The following SUN2 variants were observed in gnomAD, a reference collection of about 807,000 sequenced individuals.
The protein encoded by SUN2 is SUN domain-containing protein 2.
Under a neutral mutation model 100.0 loss-of-function variants are expected in SUN2, and 60 were observed. The ratio of observed to expected loss-of-function variants is 0.60; its 90% CI spans 0.49 to 0.74. The LOEUF is 0.74. Ranked by LOEUF, SUN2 falls within the 30% of genes least tolerant of loss-of-function variation. SUN2 has a pLI of 0.00. For missense variants in SUN2, 834 were observed against 954.6 expected, an observed-to-expected ratio of 0.87 and a Z score of 1.66; for synonymous variants, 367 against 403.3, an observed-to-expected ratio of 0.91 and a Z score of 1.08.
chr22:38,754,497 A>G (rs1191529007), intron 1 of SUN2: 1 of 608,532 alleles, frequency 1.6e-6, no homozygotes, highest in African/African-American at 1.9e-5. Context: ...CCCATCTGGC[A>G]TCCCCTCTAC....
At position 38,740,584 on chromosome 22, in the gene SUN2, G is replaced by T. The variant is rs1433802243; in HGVS notation, c.1191-152C>A. ...CCTGAGAAGGGGCAAGGCCTCTCCTGGGGGTTCTGGCTGCAGAACCCCTGC... is the reference window on the plus strand; with the variant it reads ...CCTGAGAAGGGGCAAGGCCTCTCCTTGGGGTTCTGGCTGCAGAACCCCTGC... On this transcript the variant is annotated intron_variant, in intron 11 of 17. Transcript: ENST00000689035. This position sits in a 1 kb window ranked among gnomAD's most constrained non-coding sequence, Gnocchi z 4.8. The T allele has an allele frequency of 3.7e-6, 3 of 808,206 alleles. No homozygotes were observed. Among genetic ancestry groups the T allele is most frequent in the Non-Finnish European group, 5.5e-6 (3 of 541,866 alleles). The allele number at this position is 808,206 out of a possible 1,614,324, so 50.1% of individuals were successfully genotyped here.
chr22:38,737,799 G>A lies in SUN2; in HGVS notation c.2040+374C>T, dbSNP rs559909097. The A allele has an allele frequency of 2.3e-6, 1 of 437,588 alleles. No homozygotes were observed. Among genetic ancestry groups the A allele is most frequent in the Middle Eastern group, 7.5e-4 (1 of 1,338 alleles). 27.1% of individuals were successfully genotyped at this position (437,588 alleles called of 1,614,324 possible). The stretch of plus-strand genomic sequence containing the variant: ...TCGGATGCCCACTGAAGTTTAAGCC[G>A]CATGCACTGCCTGAGGCTCCAGCTG... On this transcript the variant is annotated intron_variant, in intron 17 of 17. Transcript: ENST00000689035. The surrounding 1 kb of genome is among the most constrained non-coding windows in gnomAD (Gnocchi z 4.1).
At chr22:38,749,605 C>A (rs990987773) in intron 6 of SUN2, among the ~76,000 whole-genome samples, 161 bp downstream of exon 6, 2 of 152,170 alleles carry the variant, frequency 1.3e-5, no homozygotes, top group African/African-American at 4.8e-5. Flanking sequence ...CTCTGTCAGG[C>A]AGGGGTGGGC....
At chr22:38,750,821 C>G in intron 4 of SUN2, 77 bp downstream of exon 4, 6 of 1,586,478 alleles carry the variant, frequency 3.8e-6, no homozygotes, top group Non-Finnish European at 5.2e-6. Context: ...CTCCAGCTCC[C>G]CGGGGCTCCC....
chr22:38,744,595 T>C (rs2092888486), intron 8 of SUN2, among the ~76,000 whole-genome samples: 1 of 152,212 alleles, frequency 6.6e-6, no homozygotes, highest in African/African-American at 2.4e-5. Flanking sequence ...AATTTTTAAA[T>C]GAATAATAAA....
In SUN2 at chr22:38,742,497, G is replaced by A. The variant is rs1323189178; in HGVS notation, c.872C>T (p.Ala291Val). The A allele has an allele frequency of 6.2e-7, 1 of 1,613,550 alleles. No homozygotes were observed. The highest frequency in any genetic ancestry group is 2.2e-5 in the East Asian group (1 of 44,878). ...CTGCCAGTTGGAGGAAAATTCAGCA[G>A]CAAGAGCTTCCAGACGCCGCTCCAG... ...HSLERRLEAL[A>V]AEFSSNWQKE... is the part of the protein sequence containing the mutation. The change falls in exon 9 of 18, where the codon GCT becomes GTT. Residue 291 changes from alanine (A) to valine (V), a missense_variant. Physicochemically the swap from Ala to Val is moderately conservative, Grantham distance 64. This residue lies in a region of SUN2 where 559 missense variants were observed against 597.7 expected (regional missense o/e 0.94). Coordinates refer to ENST00000689035, the MANE Select transcript of SUN2 (RefSeq NM_015374.3).
In SUN2 at chr22:38,739,040, G is replaced by A. The variant is rs371332136; in HGVS notation, c.1664-52C>T. ...GGCTCCCGCACGGGAGGAGGGCCCC[G>A]CTCAGGCCATTGGCTGTCTCCTCGC... On this transcript the variant is annotated intron_variant, in intron 14 of 17. Transcript: ENST00000689035. This position sits in a 1 kb window ranked among gnomAD's most constrained non-coding sequence, Gnocchi z 6.7. The A allele has an allele frequency of 1.5e-5, 23 of 1,533,540 alleles. No homozygotes were observed. The highest frequency in any genetic ancestry group is 9.6e-5 in the African/African-American group (7 of 72,916). 95.0% of individuals were successfully genotyped at this position (1,533,540 alleles called of 1,614,324 possible).
At chr22:38,745,955 C>T (rs545261009) in intron 7 of SUN2, 144 bp from the exon 8 acceptor site, 2 of 1,268,968 alleles carry the variant, frequency 1.6e-6, no homozygotes, top group Non-Finnish European at 2.1e-6. Flanking sequence ...CAGAGGGATG[C>T]AGGTGCCCCC....
chr22:38,753,670 G>A (rs1212433065), intron 1 of SUN2, among the ~76,000 whole-genome samples: 2 of 152,156 alleles, frequency 1.3e-5, no homozygotes, highest in Non-Finnish European at 2.9e-5. Flanking sequence ...AAAATGGTAA[G>A]TGTCTGCTGG....
chr22:38,752,601 G>C lies in SUN2; in HGVS notation c.28C>G (p.Arg10Gly), dbSNP rs139611023. The C allele has an allele frequency of 6.2e-7, 1 of 1,613,948 alleles. No homozygotes were observed. The highest frequency in any genetic ancestry group is 1.3e-5 in the African/African-American group (1 of 75,070). The change falls in exon 2 of 18, where the codon CGC (arginine) becomes GGC (glycine). Residue 10 changes from arginine (R) to glycine (G), a missense_variant. This residue lies in a region of SUN2 where 559 missense variants were observed against 597.7 expected (regional missense o/e 0.94). Coordinates refer to ENST00000689035, the MANE Select transcript of SUN2 (RefSeq NM_015374.3). MSRRSQRLT[R>G]YSQGDDDGSS... Reference sequence around the variant, plus strand: ...CCGTCATCGTCACCCTGGGAGTAGCGCGTGAGGCGCTGGCTTCTTCGGGAC... The same window carrying C: ...CCGTCATCGTCACCCTGGGAGTAGCCCGTGAGGCGCTGGCTTCTTCGGGAC...
chr22:38,748,755 A>G lies in SUN2; in HGVS notation c.643T>C (p.Trp215Arg), dbSNP rs1391447026. Residue 215 changes from tryptophan (W) to arginine (R), a missense_variant, in exon 7 of 18, where the codon TGG (tryptophan) becomes CGG (arginine). Around this residue, in one of 3 missense-constraint regions of SUN2, gnomAD observed 559 missense variants for 597.7 expected, o/e 0.94. Transcript: ENST00000689035. ...RRFSSLKTFL[W>R]FLLPLLLLTC... ...AGCAAGAGCAGCGGCAGCAGGAACC[A>G]GAGGAACGTCTTCAGGGACGAGAAG... 1.2e-6 allele frequency: 2 copies of G among 1,614,132 alleles called. No individual in the cohort carries two copies. Among genetic ancestry groups the G allele is most frequent in the Non-Finnish European group, 1.7e-6 (2 of 1,180,048 alleles).
At position 38,738,124 on chromosome 22, in the gene SUN2, C is replaced by G. The variant is rs757223192; in HGVS notation, c.2040+49G>C. 1.3e-6 allele frequency: 2 copies of G among 1,565,196 alleles called. No homozygotes were observed. The highest frequency in any genetic ancestry group is 8.8e-7 in the Non-Finnish European group (1 of 1,135,818). ...TAAGTGCCCAGGGAGCACCTGCTGC[C>G]TGGATGGGGAGTCTGCGCCACTTCT... On this transcript the variant is annotated intron_variant, in intron 17 of 17. Transcript: ENST00000689035. The surrounding 1 kb of genome is among the most constrained non-coding windows in gnomAD (Gnocchi z 6.6).
intron 1 of SUN2, among the ~76,000 whole-genome samples, chr22:38,752,914 C>A: frequency 6.6e-6 from 1 of 152,246 alleles, no homozygotes; most frequent in East Asian, 1.9e-4. Flanking sequence ...GGAGCCTCTT[C>A]CAGGGCGCTT....
chr22:38,739,808 C>T lies in SUN2; in HGVS notation c.1492G>A (p.Glu498Lys), dbSNP rs2092838622. Residue 498 changes from glutamate to lysine, a missense_variant, in exon 13 of 18, where the codon GAG becomes AAG. Around this residue, in one of 3 missense-constraint regions of SUN2, gnomAD observed 195 missense variants for 280.2 expected, o/e 0.70. Coordinates refer to ENST00000689035, the MANE Select transcript of SUN2 (RefSeq NM_015374.3). This position sits in a 1 kb window ranked among gnomAD's most constrained non-coding sequence, Gnocchi z 6.7. ...LESKILTHVA[E>K]MQGKSAREAA... is the part of the protein sequence containing the mutation. ...TCCCTGGCCGACTTGCCCTGCATCTCTGCCACATGGGTGAGGATCTTGCTC... is the reference window on the plus strand; with the variant it reads ...TCCCTGGCCGACTTGCCCTGCATCTTTGCCACATGGGTGAGGATCTTGCTC... 1 of 1,613,560 alleles carries T rather than the reference C, an allele frequency of 6.2e-7. No homozygotes were observed. The highest frequency in any genetic ancestry group is 1.3e-5 in the African/African-American group (1 of 74,948).
rs550121266 is a variant in SUN2 at position 38,735,387 on chromosome 22, A to G, written c.*880T>C. 16 of 369,002 alleles carry G rather than the reference A, an allele frequency of 4.3e-5. No homozygotes were observed. The highest frequency in any genetic ancestry group is 7.5e-5 in the Non-Finnish European group (14 of 187,718). 22.9% of individuals were successfully genotyped at this position (369,002 alleles called of 1,614,324 possible). ...GTCCCCACAAGAGCCCAGGAGTTCC[A>G]TGCTCCCCACTCTTCTTGCTATAAC... On this transcript the variant is annotated 3_prime_UTR_variant, in exon 18 of 18. Transcript: ENST00000689035.
In SUN2 at chr22:38,738,960, A is replaced by T. The variant is rs1332908765; in HGVS notation, c.1692T>A (p.Ser564=). 1 of 1,613,398 alleles carries T rather than the reference A, an allele frequency of 6.2e-7. No individual in the cohort carries two copies. Among genetic ancestry groups the T allele is most frequent in the Non-Finnish European group, 8.5e-7 (1 of 1,179,740 alleles). The change falls in exon 15 of 18, where the codon TCT becomes TCA. Residue 564 remains serine (S), a synonymous_variant. Coordinates refer to ENST00000689035, the MANE Select transcript of SUN2 (RefSeq NM_015374.3). This position sits in a 1 kb window ranked among gnomAD's most constrained non-coding sequence, Gnocchi z 6.6. ...GGGCCGTCTTGGTCTCGTAGGTCTC[A>T]GAACATCGGGTGCTGATGACGCTGG... ...GGASVISTRC[S]ETYETKTALL...
chr22:38,755,284 T>C lies in SUN2; in HGVS notation c.-38+479A>G, dbSNP rs1031508737. On this transcript the variant is annotated intron_variant, in intron 1 of 17. Transcript: ENST00000689035. This position sits in a 1 kb window ranked among gnomAD's most constrained non-coding sequence, Gnocchi z 5.7. Reference sequence around the variant, plus strand: ...CCACAGGCCAAACCTGCAGAAATTGTCACCAAAGGCGCGCCTCCTGGCTCT... The same window carrying C: ...CCACAGGCCAAACCTGCAGAAATTGCCACCAAAGGCGCGCCTCCTGGCTCT... 9 of 1,122,122 alleles carry C rather than the reference T, an allele frequency of 8.0e-6. No homozygotes were observed. The African/African-American group carries it at 8.1e-5, about 10-fold the overall frequency. 69.5% of individuals were successfully genotyped at this position (1,122,122 alleles called of 1,614,324 possible). A position where few individuals can be genotyped will look rare whatever the true frequency, so the allele number is the denominator to read the frequency against.
At position 38,738,750 on chromosome 22, in the gene SUN2, T is replaced by C; in HGVS notation, c.1784A>G (p.Asp595Gly). The change falls in exon 16 of 18, where the codon GAT becomes GGT. Residue 595 changes from aspartate (D) to glycine (G), a missense_variant. Coordinates refer to ENST00000689035, the MANE Select transcript of SUN2 (RefSeq NM_015374.3). The surrounding 1 kb of genome is among the most constrained non-coding windows in gnomAD (Gnocchi z 6.6). Reference protein sequence around the residue: ...SQSPRVILQPDVHPGNCWAFQ... With the variant: ...SQSPRVILQPGVHPGNCWAFQ... ...GGCCCAGCAGTTGCCTGGGTGCACA[T>C]CTGGCTGGAGGAGCAGAAAGTCATG... 2 of 1,613,200 alleles carry C rather than the reference T, an allele frequency of 1.2e-6. No individual in the cohort carries two copies. The highest frequency in any genetic ancestry group is 1.7e-6 in the Non-Finnish European group (2 of 1,179,782).
chr22:38,747,115 T>C (rs1179846612), intron 7 of SUN2, among the ~76,000 whole-genome samples: 6 of 152,060 alleles, frequency 3.9e-5, no homozygotes, highest in African/African-American at 1.2e-4. Flanking sequence ...GTGGATCACT[T>C]GAGGTCAGGA....
Sources: allele counts gnomAD v4.1 joint callset (sites outside exome capture counted in the v4.1 genomes callset), GRCh38; gene constraint gnomAD v4.1.1; regional missense constraint gnomAD v4.1.1; non-coding constraint Gnocchi (gnomAD v3.1); transcripts MANE v1.5; gene names NCBI Gene and HGNC (gene_info 2026-07-23, HGNC 2026-07-21).